FHIT: variants seen among roughly 807,000 people sequenced by gnomAD.
FHIT encodes the protein bis(5'-adenosyl)-triphosphatase.
A neutral mutation model predicts 17.9 loss-of-function variants in FHIT; 19 were observed. The observed-to-expected ratio is 1.06, with a 90% CI of 0.74 to 1.56. The LOEUF is 1.56. Among genes scored for constraint, FHIT ranks in the 40% most tolerant of loss-of-function variants. The pLI, the probability that FHIT is intolerant of heterozygous loss-of-function variation, is 0.00. For missense variants in FHIT, 248 were observed against 189.2 expected (o/e 1.31, Z -1.82); for synonymous variants, 81 against 69.7 (o/e 1.16, Z -0.81).
At chr3:61,153,953 C>A (rs1017822747) in intron 2 of FHIT, among the ~76,000 whole-genome samples, 2 of 152,134 alleles carry the variant, frequency 1.3e-5, no homozygotes, top group Non-Finnish European at 2.9e-5. Context: ...AGGGAAAAAA[C>A]ACAGTTTGCA....
intron 5 of FHIT, among the ~76,000 whole-genome samples, chr3:60,526,862 G>A (rs894518122): frequency 2.6e-5 from 4 of 152,134 alleles, no homozygotes; most frequent in Non-Finnish European, 5.9e-5. Context: ...TCCCCCAAGA[G>A]ATGTGACTTT....
chr3:60,614,222 T>C (rs1234124978), intron 4 of FHIT, among the ~76,000 whole-genome samples: 1 of 152,164 alleles, frequency 6.6e-6, no homozygotes, highest in African/African-American at 2.4e-5. Context: ...GTATGCCAGT[T>C]AAATGGCAGC....
At chr3:60,521,551 G>T (rs1331657521) in intron 5 of FHIT, among the ~76,000 whole-genome samples, 3 of 152,090 alleles carry the variant, frequency 2.0e-5, no homozygotes, top group African/African-American at 7.2e-5. Context: ...CCGGCCAAAA[G>T]TTATAATTAT....
At chr3:60,100,999 C>T (rs1173110817) in intron 5 of FHIT, among the ~76,000 whole-genome samples, 2 of 152,152 alleles carry the variant, frequency 1.3e-5, no homozygotes, top group Non-Finnish European at 2.9e-5. Context: ...GACTCTATTT[C>T]TGAAATAGAG....
At chr3:61,210,842 A>C (rs2039442080) in intron 1 of FHIT, among the ~76,000 whole-genome samples, 1 of 151,772 alleles carries the variant, frequency 6.6e-6, no homozygotes, top group African/African-American at 2.4e-5. Context: ...CTCCCCAGTG[A>C]GATGAACCTG....
At chr3:60,299,510 T>C (rs1026119690) in intron 5 of FHIT, among the ~76,000 whole-genome samples, 2 of 152,142 alleles carry the variant, frequency 1.3e-5, no homozygotes, top group African/African-American at 4.8e-5. Context: ...AGTTATTTTC[T>C]TTCAGTATGG....
intron 2 of FHIT, among the ~76,000 whole-genome samples, chr3:61,196,651 G>T (rs2038860449): frequency 6.6e-6 from 1 of 152,148 alleles, no homozygotes; most frequent in Admixed American, 6.6e-5. Context: ...TGAAGGCAGG[G>T]TTAAGGGAAG....
chr3:60,732,807 C>T (rs537351753), intron 4 of FHIT, among the ~76,000 whole-genome samples: 2 of 150,684 alleles, frequency 1.3e-5, no homozygotes, highest in South Asian at 2.1e-4. Flanking sequence ...CTGCCTCAGT[C>T]TCCGGAGTAG....
intron 2 of FHIT, among the ~76,000 whole-genome samples, chr3:61,161,768 G>T (rs1403445036): frequency 6.6e-6 from 1 of 152,150 alleles, no homozygotes; most frequent in East Asian, 1.9e-4. Flanking sequence ...CTAGCTAGAG[G>T]TTAATAACAC....
At chr3:60,050,441 T>A (rs184080215) in intron 5 of FHIT, among the ~76,000 whole-genome samples, 35 of 152,278 alleles carry the variant, frequency 2.3e-4, no homozygotes, top group African/African-American at 8.2e-4. Context: ...CTATAGCACT[T>A]AGAGCAGCAG....
intron 5 of FHIT, among the ~76,000 whole-genome samples, chr3:60,363,244 CA>C (rs1298927028): frequency 2.0e-5 from 3 of 152,092 alleles, no homozygotes; most frequent in Admixed American, 6.6e-5. Context: ...TTTGTGTCCC[CA>C]CTGAATCACT....
At chr3:59,773,036 A>C (rs886663002) in intron 8 of FHIT, among the ~76,000 whole-genome samples, 4 of 152,234 alleles carry the variant, frequency 2.6e-5, no homozygotes, top group Non-Finnish European at 5.9e-5. Context: ...TACTTCAAAC[A>C]AACAATGCTC....
chr3:60,483,824 C>A (rs558484906), intron 5 of FHIT, among the ~76,000 whole-genome samples: 22 of 152,154 alleles, frequency 1.4e-4, no homozygotes, highest in Non-Finnish European at 3.1e-4. Flanking sequence ...AAAGTTCTGG[C>A]CAGGGCAATC....
intron 4 of FHIT, among the ~76,000 whole-genome samples, chr3:60,559,588 A>G (rs1274704204): frequency 6.6e-6 from 1 of 152,138 alleles, no homozygotes; most frequent in Non-Finnish European, 1.5e-5. Flanking sequence ...AATGCACAGT[A>G]TAATGTTCTG....
chr3:61,202,662 C>G (rs2039064601), intron 1 of FHIT, among the ~76,000 whole-genome samples: 1 of 151,848 alleles, frequency 6.6e-6, no homozygotes, highest in South Asian at 2.1e-4. Flanking sequence ...AGAATGAAAC[C>G]ACAGAACGCA....
At chr3:61,197,041 A>T (rs2038872273) in intron 2 of FHIT, among the ~76,000 whole-genome samples, 1 of 152,208 alleles carries the variant, frequency 6.6e-6, no homozygotes, top group African/African-American at 2.4e-5. Context: ...ACCCAGCACA[A>T]GCACTATACA....
chr3:60,975,166 G>A (rs745677378), intron 3 of FHIT, among the ~76,000 whole-genome samples: 1 of 152,096 alleles, frequency 6.6e-6, no homozygotes, highest in Non-Finnish European at 1.5e-5. Flanking sequence ...TCTACTCATG[G>A]CATTTAATTA....
chr3:61,154,023 C>T (rs928906934), intron 2 of FHIT, among the ~76,000 whole-genome samples: 5 of 152,358 alleles, frequency 3.3e-5, no homozygotes, highest in East Asian at 1.9e-4. Context: ...TTCTGTGCCT[C>T]TGCTCCCAAC....
chr3:60,658,139 C>G (rs185144388), intron 4 of FHIT, among the ~76,000 whole-genome samples: 1 of 152,234 alleles, frequency 6.6e-6, no homozygotes, highest in East Asian at 1.9e-4. Flanking sequence ...CTTTCTGTCT[C>G]TACGATTTTG....
Sources: gnomAD v4.1 joint callset for allele counts (sites outside exome capture counted in the v4.1 genomes callset) on GRCh38, gnomAD v4.1.1 for gene constraint, MANE v1.5 for transcripts, NCBI Gene and HGNC (gene_info 2026-07-23, HGNC 2026-07-21) for gene names.